The following ESRRG variants were observed in gnomAD, a reference collection of about 807,000 sequenced individuals.
The protein encoded by ESRRG is estrogen-related receptor gamma.
ESRRG carries 13 observed loss-of-function variants against 44.0 expected under a neutral mutation model. That is an observed-to-expected ratio of 0.30 (90% CI 0.19 to 0.47). The LOEUF is 0.47. Ranked by LOEUF, ESRRG falls within the 20% of genes least tolerant of loss-of-function variation. The pLI, the probability that ESRRG is intolerant of heterozygous loss-of-function variation, is 1.00. For missense variants in ESRRG, 395 were observed against 580.6 expected, an observed-to-expected ratio of 0.68 and a Z score of 3.29; for synonymous variants, 215 against 214.6, an observed-to-expected ratio of 1.00 and a Z score of -0.02.
At chr1:217,064,424 T>C (rs2089259243) in intron 1 of ESRRG, among the ~76,000 whole-genome samples, 1 of 152,186 alleles carries the variant, frequency 6.6e-6, no homozygotes, top group Non-Finnish European at 1.5e-5. Flanking sequence ...TGAATGATGC[T>C]AAGTAACTTG....
chr1:216,791,294 C>T (rs757509695), intron 2 of ESRRG, among the ~76,000 whole-genome samples: 2 of 151,952 alleles, frequency 1.3e-5, no homozygotes, highest in Admixed American at 1.3e-4. Flanking sequence ...CCTCCTTCCC[C>T]GACTCTCTTC....
At chr1:217,034,778 T>G (rs1424958284) in intron 1 of ESRRG, among the ~76,000 whole-genome samples, 1 of 152,182 alleles carries the variant, frequency 6.6e-6, no homozygotes, top group Admixed American at 6.5e-5. Flanking sequence ...CAGGCTGCAG[T>G]GCACCATACG....
chr1:217,124,149 T>C (rs964664778), intron 1 of ESRRG, among the ~76,000 whole-genome samples: 1 of 152,168 alleles, frequency 6.6e-6, no homozygotes, highest in African/African-American at 2.4e-5. Context: ...AAGGCAGCAA[T>C]TGCATTTAAC....
At chr1:216,597,943 C>A (rs1481996477) in intron 3 of ESRRG, among the ~76,000 whole-genome samples, 1 of 152,200 alleles carries the variant, frequency 6.6e-6, no homozygotes, top group African/African-American at 2.4e-5. Flanking sequence ...TGTACATCCA[C>A]ATTCACATAC....
At chr1:217,079,011 A>G (rs1006772557) in intron 1 of ESRRG, among the ~76,000 whole-genome samples, 1 of 152,216 alleles carries the variant, frequency 6.6e-6, no homozygotes, top group African/African-American at 2.4e-5. Context: ...GCAATGAAGA[A>G]CATGAAATAT....
intron 2 of ESRRG, among the ~76,000 whole-genome samples, chr1:216,860,446 G>A (rs963662441): frequency 6.6e-6 from 1 of 151,942 alleles, no homozygotes; most frequent in Non-Finnish European, 1.5e-5. Context: ...TGACACCAGG[G>A]CATATCATAA....
intron 1 of ESRRG, among the ~76,000 whole-genome samples, chr1:216,998,660 T>C (rs558868360): frequency 2.8e-4 from 42 of 152,366 alleles, no homozygotes; most frequent in African/African-American, 9.6e-4. Flanking sequence ...GCAATGTGCA[T>C]ATATGAGGAT....
intron 2 of ESRRG, among the ~76,000 whole-genome samples, chr1:216,883,253 G>A (rs2096471490): frequency 6.6e-6 from 1 of 151,962 alleles, no homozygotes; most frequent in Non-Finnish European, 1.5e-5. Context: ...AGGCATGGTG[G>A]CAGGTGCCTT....
chr1:217,130,444 C>T (rs1172596392), intron 1 of ESRRG, among the ~76,000 whole-genome samples: 2 of 152,074 alleles, frequency 1.3e-5, no homozygotes, highest in Non-Finnish European at 1.5e-5. Context: ...CTATGTTGCT[C>T]AGGCTGGTCT....
At chr1:216,625,423 C>CACAAAAAAAAAAAAA (rs2063014424) in intron 3 of ESRRG, among the ~76,000 whole-genome samples, 1 of 115,700 alleles carries the variant, frequency 8.6e-6, no homozygotes, top group Admixed American at 9.1e-5. Flanking sequence ...GCTCATTTGG[C>CACAAAAAAAAAAAAA]AAAAAAAAAA....
At chr1:217,028,420 A>G (rs1237870848) in intron 1 of ESRRG, among the ~76,000 whole-genome samples, 3 of 152,218 alleles carry the variant, frequency 2.0e-5, no homozygotes, top group African/African-American at 4.8e-5. Flanking sequence ...CAGAAGTCCA[A>G]TACTGCTTTG....
intron 2 of ESRRG, among the ~76,000 whole-genome samples, chr1:216,930,646 C>G (rs1386020090): frequency 6.6e-6 from 1 of 152,232 alleles, no homozygotes; most frequent in South Asian, 2.1e-4. Context: ...AGTTAAGAAC[C>G]TGTAGAAATA....
chr1:216,659,085 G>A (rs950480839), intron 2 of ESRRG, among the ~76,000 whole-genome samples: 1 of 152,102 alleles, frequency 6.6e-6, no homozygotes, highest in Non-Finnish European at 1.5e-5. Flanking sequence ...TAAGAATTAT[G>A]TGAAATGAAG....
chr1:216,657,789 C>T lies in ESRRG; in HGVS notation c.473-6700G>A, dbSNP rs561712251. On this transcript the variant is annotated intron_variant, in intron 2 of 6. Transcript: ENST00000408911. ...CATACACAGGAGTGTGCACAAGTCT[C>T]ATGCTCTTTGCCTCTGCACTGTCTC... Among the ~76,000 whole-genome samples, 92 of 152,224 alleles carry T rather than the reference C, an allele frequency of 6.0e-4. 1 individual carries two copies. Among genetic ancestry groups the T allele is most frequent in the African/African-American group, 2.2e-3 (90 of 41,556 alleles).
Position 216,677,296 on chromosome 1 carries a change from G to A in ESRRG, c.252C>T (p.Leu84=). 6.2e-7 allele frequency: 1 copy of A among 1,614,162 alleles called. No homozygotes were observed. Among genetic ancestry groups the A allele is most frequent in the African/African-American group, 1.3e-5 (1 of 75,034 alleles). ...GHQNGLDSPP[L]YPSAPILGGS... Reference sequence around the variant, plus strand: ...CTCCCAGGATAGGAGCAGAAGGGTAGAGAGGTGGCGAGTCAAGTCCGTTCT... The same window carrying A: ...CTCCCAGGATAGGAGCAGAAGGGTAAAGAGGTGGCGAGTCAAGTCCGTTCT... Residue 84 remains leucine, a synonymous_variant, in exon 2 of 7, where the codon CTC becomes CTT. Coordinates refer to ENST00000408911, the MANE Select transcript of ESRRG (RefSeq NM_001438.4).
At chr1:217,058,789 T>C (rs2087702553) in intron 1 of ESRRG, among the ~76,000 whole-genome samples, 6 of 151,664 alleles carry the variant, frequency 4.0e-5, no homozygotes. Context: ...GCGATCTAAC[T>C]GTAATGCAGA....
At chr1:216,950,959 C>A (rs1578559091) in intron 1 of ESRRG, among the ~76,000 whole-genome samples, 1 of 152,122 alleles carries the variant, frequency 6.6e-6, no homozygotes, top group African/African-American at 2.4e-5. Context: ...GATGTGATAT[C>A]TTCTAATTAC....
rs12025768 is a variant in ESRRG, at chr1:217,119,886, C to A, written c.-230+17781G>T. Reference sequence around the variant, plus strand: ...ACTGGTGTGGCAGAAATTGGGTGGGCCTTGGGGCCAGTTAGATAATTTATT... The same window carrying A: ...ACTGGTGTGGCAGAAATTGGGTGGGACTTGGGGCCAGTTAGATAATTTATT... On this transcript the variant is annotated intron_variant, in intron 1 of 8. Transcript: ENST00000366940. Among the ~76,000 whole-genome samples, 921 of 152,220 alleles carry A rather than the reference C, an allele frequency of 6.1e-3. 7 individuals are homozygous for A. Among genetic ancestry groups the A allele is most frequent in the Non-Finnish European group, 9.5e-3 (644 of 68,020 alleles).
At chr1:216,779,264 TATATATTTATATTTATAAACA>T (rs2093766520) in intron 2 of ESRRG, among the ~76,000 whole-genome samples, 2 of 40,932 alleles carry the variant, frequency 4.9e-5, no homozygotes, top group Admixed American at 4.8e-4. Flanking sequence ...TAAATATAAA[TATATATTTATATTTATAAACA>T]TTATATTTAT....
Sources: gnomAD v4.1 joint callset for allele counts (sites outside exome capture counted in the v4.1 genomes callset) on GRCh38, gnomAD v4.1.1 for gene constraint, MANE v1.5 for transcripts, NCBI Gene and HGNC (gene_info 2026-07-23, HGNC 2026-07-21) for gene names.